LPGAT1: variants seen among roughly 807,000 people sequenced by gnomAD.
LPGAT1 encodes acyl-CoA:lysophosphatidylglycerol acyltransferase 1.
LPGAT1 carries 11 observed loss-of-function variants against 47.5 expected under a neutral mutation model. The observed-to-expected ratio is 0.23, with a 90% CI of 0.15 to 0.38. The LOEUF is 0.38. Ranked by LOEUF, LPGAT1 falls within the 10% of genes least tolerant of loss-of-function variation. The pLI is 1.00. For missense variants in LPGAT1, 293 were observed against 439.0 expected (o/e 0.67, Z 2.97); for synonymous variants, 138 against 144.2 (o/e 0.96, Z 0.31).
chr1:211,743,552 A>AT lies in LPGAT1; in HGVS notation c.*6346_*6347insA, dbSNP rs1656832985. 2 of 7,414 alleles carry AT rather than the reference A, an allele frequency of 2.7e-4. No individual in the cohort carries two copies. Among genetic ancestry groups the AT allele is most frequent in the African/African-American group, 1.8e-3 (1 of 566 alleles). 0.5% of individuals were successfully genotyped at this position (7,414 alleles called of 1,614,324 possible). On this transcript the variant is annotated 3_prime_UTR_variant, in exon 8 of 8. Coordinates refer to ENST00000366997, the MANE Select transcript of LPGAT1 (RefSeq NM_014873.3). ...AGCTGACTTCTTAGAGCCAAAAGAG[A>AT]ATTTTTTTCCTTTTAAAAATACATT... is the stretch of plus-strand genomic sequence containing the variant.
intron 5 of LPGAT1, among the ~76,000 whole-genome samples, chr1:211,781,733 C>G (rs1327129112): frequency 1.3e-5 from 2 of 152,084 alleles, no homozygotes; most frequent in Non-Finnish European, 2.9e-5. Context: ...CAAAATACTG[C>G]AAAGGAAACA....
chr1:211,763,415 T>C (rs959036475), intron 6 of LPGAT1, among the ~76,000 whole-genome samples: 1 of 152,220 alleles, frequency 6.6e-6, no homozygotes, highest in African/African-American at 2.4e-5. Context: ...TGCCATGTTA[T>C]GAAGCAGCAC....
At chr1:211,805,517 T>C (rs1258166657) in intron 2 of LPGAT1, among the ~76,000 whole-genome samples, 1 of 152,214 alleles carries the variant, frequency 6.6e-6, no homozygotes, top group East Asian at 1.9e-4. Flanking sequence ...GGACCATCTG[T>C]ACTATGAACT....
At chr1:211,776,212 T>C (rs1324254474) in intron 6 of LPGAT1, among the ~76,000 whole-genome samples, 1 of 152,204 alleles carries the variant, frequency 6.6e-6, no homozygotes, top group Non-Finnish European at 1.5e-5. Context: ...ATGGATTAAC[T>C]ACTTTCTGAC....
intron 6 of LPGAT1, among the ~76,000 whole-genome samples, chr1:211,762,709 CAGAATGTGCTCTTAAATAG>C (rs1657749725): frequency 6.6e-6 from 1 of 152,100 alleles, no homozygotes; most frequent in South Asian, 2.1e-4. Context: ...ATCAGTAATT[CAGAATGTGCTCTTAAATAG>C]AGAATATACT....
chr1:211,762,472 A>G (rs1424869149), intron 6 of LPGAT1, among the ~76,000 whole-genome samples: 2 of 152,220 alleles, frequency 1.3e-5, no homozygotes. Context: ...ATCTACTTCT[A>G]TTACTCTGAT....
intron 6 of LPGAT1, among the ~76,000 whole-genome samples, chr1:211,765,274 C>T (rs1275230866): frequency 2.6e-5 from 4 of 152,180 alleles, no homozygotes; most frequent in Non-Finnish European, 5.9e-5. Context: ...TAATATTTCT[C>T]ACATTTGCTT....
At position 211,830,702 on chromosome 1, in the gene LPGAT1, C is replaced by T; in HGVS notation, c.-157G>A. The T allele has an allele frequency of 8.4e-7, 1 of 1,188,798 alleles. No individual in the cohort carries two copies. The highest frequency in any genetic ancestry group is 1.0e-6 in the Non-Finnish European group (1 of 960,180). The allele number at this position is 1,188,798 out of a possible 1,614,324, so 73.6% of individuals were successfully genotyped here. Reference sequence around the variant, plus strand: ...CCCGCTCCGGCTGTGGCGCGGCCCGCGCCCGTTCCCCGGCGGCGCCGAGAC... The same window carrying T: ...CCCGCTCCGGCTGTGGCGCGGCCCGTGCCCGTTCCCCGGCGGCGCCGAGAC... On this transcript the variant is annotated 5_prime_UTR_variant, in exon 1 of 8. Transcript: ENST00000366997. This position sits in a 1 kb window ranked among gnomAD's most constrained non-coding sequence, Gnocchi z 5.9.
intron 6 of LPGAT1, among the ~76,000 whole-genome samples, chr1:211,773,661 T>C (rs768760082): frequency 6.6e-6 from 1 of 152,228 alleles, no homozygotes; most frequent in East Asian, 1.9e-4. Flanking sequence ...ACATTACTTT[T>C]GCCTTTACCC....
At position 211,817,570 on chromosome 1, in the gene LPGAT1, C is replaced by CA. The variant is rs528517027; in HGVS notation, c.238+11488dup. ...TAGGGGACAGAGTGAGGCTCCATCTCAAAAAAAAAAAAAGAAAGAAAGAAT... is the reference window on the plus strand; with the variant it reads ...TAGGGGACAGAGTGAGGCTCCATCTCAAAAAAAAAAAAAAGAAAGAAAGAAT... On this transcript the variant is annotated intron_variant, in intron 2 of 7. Transcript: ENST00000366997. 0.017 allele frequency among the ~76,000 whole-genome samples: 1,778 copies of CA among 107,724 alleles called. 85 individuals carry two copies. In the East Asian group the frequency reaches 0.2, roughly 12 times the overall value. 70.7% of individuals were successfully genotyped at this position (107,724 alleles called of 152,430 possible). A position where few individuals can be genotyped will look rare whatever the true frequency, so the allele number is the denominator to read the frequency against.
chr1:211,781,721 A>G (rs1315629557), intron 5 of LPGAT1, among the ~76,000 whole-genome samples: 1 of 152,226 alleles, frequency 6.6e-6, no homozygotes, highest in Non-Finnish European at 1.5e-5. Flanking sequence ...GAATAGAAAT[A>G]GCAAAATACT....
At chr1:211,767,163 T>C (rs1488716869) in intron 6 of LPGAT1, among the ~76,000 whole-genome samples, 1 of 152,186 alleles carries the variant, frequency 6.6e-6, no homozygotes, top group African/African-American at 2.4e-5. Context: ...TTTTGAGACA[T>C]GGTCTCACTC....
intron 6 of LPGAT1, among the ~76,000 whole-genome samples, chr1:211,772,338 C>G (rs1190555674): frequency 6.6e-6 from 1 of 152,174 alleles, no homozygotes; most frequent in Non-Finnish European, 1.5e-5. Context: ...TGTAACTAAA[C>G]TTGACATCTA....
chr1:211,814,031 T>C (rs2102592249), intron 2 of LPGAT1, among the ~76,000 whole-genome samples: 1 of 152,360 alleles, frequency 6.6e-6, no homozygotes, highest in Non-Finnish European at 1.5e-5. Context: ...ATATCAGTTC[T>C]TTTAGAATTG....
At chr1:211,800,077 C>A (rs548312042) in intron 2 of LPGAT1, among the ~76,000 whole-genome samples, 230 of 141,222 alleles carry the variant, frequency 1.6e-3, no homozygotes, top group African/African-American at 5.5e-3. Context: ...CTCTATTGCC[C>A]AGGCTGGAGT....
intron 6 of LPGAT1, among the ~76,000 whole-genome samples, chr1:211,761,108 T>C (rs1657680592): frequency 1.3e-5 from 2 of 152,192 alleles, no homozygotes; most frequent in South Asian, 2.1e-4. Context: ...CCTAAAACTA[T>C]TCTATTTCTG....
At chr1:211,781,851 T>C (rs1460031601) in intron 5 of LPGAT1, among the ~76,000 whole-genome samples, 1 of 152,238 alleles carries the variant, frequency 6.6e-6, no homozygotes, top group Non-Finnish European at 1.5e-5. Context: ...AAATATCTTC[T>C]GCAAAACTTT....
intron 2 of LPGAT1, among the ~76,000 whole-genome samples, chr1:211,802,394 C>G (rs531700260): frequency 6.7e-6 from 1 of 150,366 alleles, no homozygotes; most frequent in South Asian, 2.1e-4. Context: ...GCAAAGCAAA[C>G]AGAAAAATAA....
chr1:211,753,650 GA>G (rs1465150235), intron 6 of LPGAT1, among the ~76,000 whole-genome samples: 1 of 152,132 alleles, frequency 6.6e-6, no homozygotes, highest in Non-Finnish European at 1.5e-5. Context: ...CAAGAGGAGA[GA>G]AAAAGGTTAA....
Sources: allele counts gnomAD v4.1 joint callset (sites outside exome capture counted in the v4.1 genomes callset), GRCh38; gene constraint gnomAD v4.1.1; non-coding constraint Gnocchi (gnomAD v3.1); transcripts MANE v1.5; gene names NCBI Gene and HGNC (gene_info 2026-07-23, HGNC 2026-07-21).